The following CASZ1 variants were observed in gnomAD, a reference collection of about 807,000 sequenced individuals.
CASZ1 encodes castor zinc finger 1.
Under a neutral mutation model 135.2 loss-of-function variants are expected in CASZ1, and 28 were observed. That is an observed-to-expected ratio of 0.21 (90% CI 0.15 to 0.28). The LOEUF (loss-of-function observed/expected upper bound fraction) is 0.28, where lower values mean the gene tolerates loss of function less well. Among genes scored for constraint, CASZ1 ranks in the 10% least tolerant of loss-of-function variants. The pLI is 1.00. For missense variants in CASZ1, 2,161 were observed against 2,453.3 expected, an observed-to-expected ratio of 0.88 and a Z score of 2.52; for synonymous variants, 1,068 against 1,073.4, an observed-to-expected ratio of 0.99 and a Z score of 0.10.
chr1:10,768,742 C>T (rs1173580851), intron 1 of CASZ1, among the ~76,000 whole-genome samples: 1 of 152,210 alleles, frequency 6.6e-6, no homozygotes, highest in Non-Finnish European at 1.5e-5. Context: ...CAGAATCCAT[C>T]ACTGCCTGGC....
intron 15 of CASZ1, chr1:10,648,375 G>GTGCCCTT (rs1426685294): frequency 1.7e-5 from 8 of 459,988 alleles, no homozygotes; most frequent in East Asian, 1.0e-4. Flanking sequence ...CTTCCTACTT[G>GTGCCCTT]TGCCCTTCCT....
chr1:10,737,015 AG>A (rs1298037770), intron 2 of CASZ1, among the ~76,000 whole-genome samples: 1 of 152,198 alleles, frequency 6.6e-6, no homozygotes, highest in Non-Finnish European at 1.5e-5. Flanking sequence ...GGGAGAAGGA[AG>A]GAAGAGAAGG....
intron 4 of CASZ1, among the ~76,000 whole-genome samples, chr1:10,675,088 G>T (rs1286508526): frequency 2.0e-5 from 3 of 152,140 alleles, no homozygotes; most frequent in African/African-American, 7.2e-5. Flanking sequence ...CGCATAAAGG[G>T]TTATATTACA....
At chr1:10,665,828 G>A (rs1643217671) in intron 4 of CASZ1, among the ~76,000 whole-genome samples, 1 of 151,184 alleles carries the variant, frequency 6.6e-6, no homozygotes, top group Non-Finnish European at 1.5e-5. Flanking sequence ...GAACTAGTCT[G>A]TAAATGAACA....
In CASZ1 at chr1:10,665,228, A is replaced by G; in HGVS notation, c.360T>C (p.Gly120=). 1.9e-6 allele frequency: 3 copies of G among 1,596,890 alleles called. No homozygotes were observed. The highest frequency in any genetic ancestry group is 1.1e-5 in the South Asian group (1 of 88,546). Residue 120 remains glycine, a synonymous_variant, in exon 5 of 21, where the codon GGT becomes GGC. Coordinates refer to ENST00000377022, the MANE Select transcript of CASZ1 (RefSeq NM_001079843.3). ...AREGLELPPE[G]VYMVQPQGCS... is the part of the protein sequence containing the mutation. The stretch of plus-strand genomic sequence containing the variant: ...ACCCCTGGGGCTGCACCATGTAGAC[A>G]CCCTCGGGAGGCAGCTCCAGGCCCT...
At chr1:10,682,420 G>A (rs906856696) in intron 4 of CASZ1, among the ~76,000 whole-genome samples, 1 of 152,182 alleles carries the variant, frequency 6.6e-6, no homozygotes, top group Admixed American at 6.5e-5. Flanking sequence ...ACTCCTGGGG[G>A]CCCGGCGGAA....
At chr1:10,746,275 C>A (rs763515572) in intron 2 of CASZ1, among the ~76,000 whole-genome samples, 1 of 152,190 alleles carries the variant, frequency 6.6e-6, no homozygotes, top group African/African-American at 2.4e-5. Flanking sequence ...CGCACACACA[C>A]GCATGCACGG....
chr1:10,704,402 C>A (rs1023997620), intron 3 of CASZ1: 1 of 152,334 alleles, frequency 6.6e-6, no homozygotes, highest in Non-Finnish European at 1.5e-5. Flanking sequence ...CCGGCCCCAG[C>A]GAGAGTGCAG....
chr1:10,655,926 C>A (rs1570422985), intron 8 of CASZ1, 113 bp from the exon 9 acceptor site: 3 of 1,107,770 alleles, frequency 2.7e-6, no homozygotes, highest in East Asian at 2.4e-5. Flanking sequence ...CTAGAAAGAA[C>A]CCTGCTTGGG....
At chr1:10,693,777 G>GCCCCCCCCCCCC in intron 4 of CASZ1, 97 bp downstream of exon 4, 1 of 757,008 alleles carries the variant, frequency 1.3e-6, no homozygotes, top group Non-Finnish European at 2.2e-6. Flanking sequence ...CCCCCACCCG[G>GCCCCCCCCCCCC]CCCCGCCGCC....
chr1:10,658,616 G>C (rs375638761), intron 6 of CASZ1, 40 bp from the exon 7 acceptor site: 1 of 1,577,102 alleles, frequency 6.3e-7, no homozygotes. Flanking sequence ...TGAGCAGATG[G>C]GGCAGCCTCG....
At chr1:10,664,551 C>T (rs1051067106) in intron 5 of CASZ1, among the ~76,000 whole-genome samples, 1 of 151,930 alleles carries the variant, frequency 6.6e-6, no homozygotes, top group African/African-American at 2.4e-5. Flanking sequence ...CCAGGGACAG[C>T]GGTGTAGGGA....
chr1:10,639,907 G>A lies in CASZ1; in HGVS notation c.4315C>T (p.Leu1439Phe), dbSNP rs1642141884. 6.2e-7 allele frequency: 1 copy of A among 1,612,794 alleles called. No individual in the cohort carries two copies. The highest frequency in any genetic ancestry group is 1.3e-5 in the African/African-American group (1 of 74,954). The change falls in exon 21 of 21, where the codon CTT (leucine) becomes TTT (phenylalanine). Residue 1439 changes from leucine to phenylalanine, a missense_variant. Physicochemically the swap from Leu to Phe is conservative, Grantham distance 22 (BLOSUM62 0). Coordinates refer to ENST00000377022, the MANE Select transcript of CASZ1 (RefSeq NM_001079843.3). This position sits in a 1 kb window ranked among gnomAD's most constrained non-coding sequence, Gnocchi z 4.0. ...GCTGCGTCCTTGCAGTCCTCGTAAA[G>A]GTCGAAGCGCCGGAAGCCCTCCAGC... The part of the protein sequence containing the change: ...MMLEGFRRFD[L>F]YEDCKDAACQ...
At chr1:10,787,489 G>A (rs954198103) in intron 1 of CASZ1, among the ~76,000 whole-genome samples, 14 of 152,330 alleles carry the variant, frequency 9.2e-5, no homozygotes, top group South Asian at 4.1e-4. Flanking sequence ...CATAGCGAGC[G>A]GCACAGCTGA....
Position 10,659,721 on chromosome 1 carries a change from C to T in CASZ1, c.1321G>A (p.Gly441Arg). 2.5e-6 allele frequency: 4 copies of T among 1,613,916 alleles called. No individual in the cohort carries two copies. The highest frequency in any genetic ancestry group is 3.4e-6 in the Non-Finnish European group (4 of 1,179,834). The change falls in exon 6 of 21, where the codon GGG becomes AGG. Residue 441 changes from glycine to arginine, a missense_variant. Gly to Arg is a moderately radical substitution (Grantham distance 125). Transcript: ENST00000377022. Reference protein sequence around the residue: ...TFSKTDSITTGTVSTVKNGLP... With the variant: ...TFSKTDSITTRTVSTVKNGLP... ...CCTTACTTGACAGTGGAGACGGTCCCCGTGGTGATGGAGTCTGTTTTGGAG... is the reference window on the plus strand; with the variant it reads ...CCTTACTTGACAGTGGAGACGGTCCTCGTGGTGATGGAGTCTGTTTTGGAG...
In CASZ1 at chr1:10,757,563, G is replaced by T. The variant is rs1485581050; in HGVS notation, c.-77+3138C>A. Among the ~76,000 whole-genome samples, 1 of 152,128 alleles carries T rather than the reference G, an allele frequency of 6.6e-6. No individual in the cohort carries two copies. The highest frequency in any genetic ancestry group is 1.5e-5 in the Non-Finnish European group (1 of 68,026). Reference sequence around the variant, plus strand: ...AGCACCTTGGGGGGCTGAGGTGGGTGGATCACTTGAGGTTAGGAGTTTGAG... The same window carrying T: ...AGCACCTTGGGGGGCTGAGGTGGGTTGATCACTTGAGGTTAGGAGTTTGAG... On this transcript the variant is annotated intron_variant, in intron 2 of 20. Transcript: ENST00000377022. This position sits in a 1 kb window ranked among gnomAD's most constrained non-coding sequence, Gnocchi z 4.6.
At chr1:10,745,397 C>CA (rs1553139025) in intron 2 of CASZ1, among the ~76,000 whole-genome samples, 4 of 151,824 alleles carry the variant, frequency 2.6e-5, no homozygotes, top group African/African-American at 7.3e-5. Context: ...ACCAGGGACA[C>CA]GAACACAGAC....
At position 10,643,151 on chromosome 1, in the gene CASZ1, G is replaced by A; in HGVS notation, c.4020+9C>T. 1 of 1,610,180 alleles carries A rather than the reference G, an allele frequency of 6.2e-7. No individual in the cohort carries two copies. The highest frequency in any genetic ancestry group is 8.5e-7 in the Non-Finnish European group (1 of 1,179,196). On this transcript the variant is annotated intron_variant, in intron 19 of 20. Transcript: ENST00000377022. The stretch of plus-strand genomic sequence containing the variant: ...CCTGGCTGGGCTCTCACCTGGGGGG[G>A]GCTCTCACCTGGGAGGGGGGCACGC...
In CASZ1 at chr1:10,720,746, G is replaced by A. The variant is rs913904358; in HGVS notation, c.-76-15202C>T. On this transcript the variant is annotated intron_variant, in intron 2 of 20. Transcript: ENST00000377022. The surrounding 1 kb of genome is among the most constrained non-coding windows in gnomAD (Gnocchi z 5.7). ...ACGGCTGGCAAAGAATGAGAAGGGCGTAGGGAAGCCCAAGGTCAGAGAGTG... is the reference window on the plus strand; with the variant it reads ...ACGGCTGGCAAAGAATGAGAAGGGCATAGGGAAGCCCAAGGTCAGAGAGTG... 2.0e-5 allele frequency among the ~76,000 whole-genome samples: 3 copies of A among 152,190 alleles called. No individual in the cohort carries two copies. Among genetic ancestry groups the A allele is most frequent in the Non-Finnish European group, 2.9e-5 (2 of 68,040 alleles).
Sources: gnomAD v4.1 joint callset for allele counts (sites outside exome capture counted in the v4.1 genomes callset) on GRCh38, gnomAD v4.1.1 for gene constraint, Gnocchi (gnomAD v3.1) non-coding constraint, MANE v1.5 for transcripts, NCBI Gene and HGNC (gene_info 2026-07-23, HGNC 2026-07-21) for gene names.